Variants in DRD3 observed in about 807,000 individuals in gnomAD.
DRD3 encodes dopamine receptor D3.
DRD3 carries 19 observed loss-of-function variants against 36.3 expected under a neutral mutation model. The observed-to-expected ratio is 0.52, with a 90% CI of 0.36 to 0.77. The LOEUF is 0.77. DRD3 is among the 30% of genes least tolerant of loss of function. The pLI, the probability that DRD3 is intolerant of heterozygous loss-of-function variation, is 0.00. For missense variants in DRD3, 465 were observed against 505.3 expected (o/e 0.92, Z 0.77); for synonymous variants, 195 against 203.7 (o/e 0.96, Z 0.36).
At chr3:114,189,212 T>C (rs929199050) in intron 1 of DRD3, among the ~76,000 whole-genome samples, 1 of 152,236 alleles carries the variant, frequency 6.6e-6, no homozygotes, top group African/African-American at 2.4e-5. Context: ...TTGATCCTTT[T>C]ACTACTATTA....
At chr3:114,174,135 ATTTTCT>A (rs1041096983) in intron 1 of DRD3, among the ~76,000 whole-genome samples, 1 of 152,186 alleles carries the variant, frequency 6.6e-6, no homozygotes, top group African/African-American at 2.4e-5. Flanking sequence ...AATAATTATA[ATTTTCT>A]CATTATTCAG....
chr3:114,129,519 A>G (rs1417379414), intron 6 of DRD3, among the ~76,000 whole-genome samples: 1 of 152,116 alleles, frequency 6.6e-6, no homozygotes, highest in East Asian at 1.9e-4. Context: ...TTCTTTTTCA[A>G]TTCAATTCAG....
At chr3:114,169,424 C>G (rs1393297674) in intron 2 of DRD3, among the ~76,000 whole-genome samples, 1 of 150,988 alleles carries the variant, frequency 6.6e-6, no homozygotes, top group Non-Finnish European at 1.5e-5. Flanking sequence ...GACGTCTCTG[C>G]TCCCCTGAAT....
chr3:114,196,097 T>G (rs991974309), intron 1 of DRD3, among the ~76,000 whole-genome samples: 1 of 152,220 alleles, frequency 6.6e-6, no homozygotes, highest in Non-Finnish European at 1.5e-5. Flanking sequence ...GAGGGATTGC[T>G]ATCCGTAACA....
intron 4 of DRD3, among the ~76,000 whole-genome samples, chr3:114,146,460 G>T (rs2077570464): frequency 6.6e-6 from 1 of 152,104 alleles, no homozygotes; most frequent in Admixed American, 6.5e-5. Context: ...GCTCACACTT[G>T]TAATCCCAGC....
At chr3:114,145,568 C>CT (rs1424147588) in intron 4 of DRD3, among the ~76,000 whole-genome samples, 1 of 152,192 alleles carries the variant, frequency 6.6e-6, no homozygotes, top group Non-Finnish European at 1.5e-5. Context: ...GCGGTACGTG[C>CT]TTGGCATATT....
intron 4 of DRD3, among the ~76,000 whole-genome samples, chr3:114,143,318 C>T (rs1039785567): frequency 6.6e-6 from 1 of 152,216 alleles, no homozygotes; most frequent in Non-Finnish European, 1.5e-5. Flanking sequence ...ATTAGAGATG[C>T]TTATCCCAAC....
Position 114,195,538 on chromosome 3 carries a change from C to G in DRD3, c.-156+3735G>C, listed in dbSNP as rs142185715. On this transcript the variant is annotated intron_variant, in intron 1 of 7. Coordinates refer to the DRD3 transcript ENST00000460779. ...AGCAAAGCAACTAAGTTCCATAGTA[C>G]TCTTTATTATTTATGTAATAACAGA... 7.9e-5 allele frequency among the ~76,000 whole-genome samples: 12 copies of G among 152,198 alleles called. No homozygotes were observed. The East Asian group carries it at 2.3e-3, about 29-fold the overall frequency.
At chr3:114,188,909 G>A (rs1488819267) in intron 1 of DRD3, among the ~76,000 whole-genome samples, 2 of 152,286 alleles carry the variant, frequency 1.3e-5, no homozygotes, top group Non-Finnish European at 2.9e-5. Flanking sequence ...CCTAAGTAAT[G>A]TTGTCAAAGG....
chr3:114,132,808 A>C (rs1454350101), intron 5 of DRD3, among the ~76,000 whole-genome samples: 2 of 152,214 alleles, frequency 1.3e-5, no homozygotes, highest in East Asian at 3.8e-4. Flanking sequence ...CAACAATGAC[A>C]ATACTTACCA....
chr3:114,166,499 C>A (rs2077786086), intron 2 of DRD3, among the ~76,000 whole-genome samples: 1 of 152,128 alleles, frequency 6.6e-6, no homozygotes, highest in Non-Finnish European at 1.5e-5. Flanking sequence ...AGTTCATTCC[C>A]CTTTTGCCTC....
At chr3:114,152,846 G>A (rs1323203393) in intron 3 of DRD3, among the ~76,000 whole-genome samples, 4 of 152,290 alleles carry the variant, frequency 2.6e-5, no homozygotes, top group African/African-American at 9.6e-5. Flanking sequence ...CACCCGGAGG[G>A]CTGGGCTGGG....
chr3:114,139,925 C>T (rs184163588), intron 4 of DRD3, among the ~76,000 whole-genome samples: 32 of 152,288 alleles, frequency 2.1e-4, no homozygotes, highest in African/African-American at 6.0e-4. Context: ...AACAATCATA[C>T]GCCAGACACT....
chr3:114,128,733 T>G lies in DRD3; in HGVS notation c.1186A>C (p.Lys396Gln), dbSNP rs747842404. ...CTGCTCCCTCAGCAAGACAGGATCT[T>G]GAGGAAGGCTTTCCGGAACTCGATA... is the stretch of plus-strand genomic sequence containing the variant. ...FNIEFRKAFL[K>Q]ILSC Residue 396 changes from lysine to glutamine, a missense_variant, in exon 7 of 7, where the codon AAG (lysine) becomes CAG (glutamine). Coordinates refer to ENST00000383673, the MANE Select transcript of DRD3 (RefSeq NM_000796.6). The G allele has an allele frequency of 6.2e-7, 1 of 1,603,738 alleles. No homozygotes were observed. The highest frequency in any genetic ancestry group is 1.1e-5 in the South Asian group (1 of 89,436).
chr3:114,136,353 T>C (rs147136052), intron 5 of DRD3, among the ~76,000 whole-genome samples: 109 of 152,294 alleles, frequency 7.2e-4, no homozygotes, highest in African/African-American at 2.5e-3. Flanking sequence ...TGAGTGTATT[T>C]TTCAGCTCTG....
intron 3 of DRD3, among the ~76,000 whole-genome samples, chr3:114,156,787 CTTTCTTTCTTTCT>C (rs2077679806): frequency 4.0e-5 from 3 of 74,718 alleles, no homozygotes; most frequent in African/African-American, 9.3e-5. Flanking sequence ...TTCTTTCTTT[CTTTCTTTCTTTCT>C]CTTTTCTTTT....
chr3:114,173,198 T>C (rs2077864094), intron 1 of DRD3, among the ~76,000 whole-genome samples: 1 of 152,110 alleles, frequency 6.6e-6, no homozygotes, highest in Non-Finnish European at 1.5e-5. Context: ...CACCAGACAC[T>C]GAATCTTCTG....
At chr3:114,150,780 G>C (rs539091545) in intron 3 of DRD3, among the ~76,000 whole-genome samples, 1 of 152,192 alleles carries the variant, frequency 6.6e-6, no homozygotes, top group South Asian at 2.1e-4. Context: ...GAAGGGATCG[G>C]GCAAGGCTTC....
chr3:114,157,073 A>T (rs1405630325), intron 3 of DRD3, among the ~76,000 whole-genome samples: 10 of 109,354 alleles, frequency 9.1e-5, no homozygotes, highest in Admixed American at 2.2e-4. Flanking sequence ...TGTTGTTTTG[A>T]GTCAGACTCT....
Sources: gnomAD v4.1 joint callset for allele counts (sites outside exome capture counted in the v4.1 genomes callset) on GRCh38, gnomAD v4.1.1 for gene constraint, MANE v1.5 for transcripts, NCBI Gene and HGNC (gene_info 2026-07-23, HGNC 2026-07-21) for gene names.